THSD7A: variants seen among roughly 807,000 people sequenced by gnomAD.
THSD7A encodes thrombospondin type 1 domain containing 7A, also known as thrombospondin type-1 domain-containing protein 7A.
A neutral mutation model predicts 231.3 loss-of-function variants in THSD7A; 96 were observed. The observed-to-expected ratio is 0.41, with a 90% CI of 0.35 to 0.49. The LOEUF is 0.49. Among genes scored for constraint, THSD7A ranks in the 20% least tolerant of loss-of-function variants. The probability of loss-of-function intolerance (pLI) is 0.05; values close to 1 mark genes in which losing one functional copy is unlikely to be tolerated. For missense variants in THSD7A, 2,290 were observed against 2,070.2 expected, an observed-to-expected ratio of 1.11 and a Z score of -2.06; for synonymous variants, 940 against 743.3, an observed-to-expected ratio of 1.26 and a Z score of -4.30.
At chr7:11,702,541 T>C (rs1039752200) in intron 1 of THSD7A, among the ~76,000 whole-genome samples, 2 of 151,208 alleles carry the variant, frequency 1.3e-5, no homozygotes, top group Non-Finnish European at 3.0e-5. Flanking sequence ...AGAGCTCATA[T>C]GATGTTTCTG....
At chr7:11,626,164 T>C (rs924342254) in intron 2 of THSD7A, among the ~76,000 whole-genome samples, 3 of 152,154 alleles carry the variant, frequency 2.0e-5, no homozygotes. Context: ...CTCTTTTTAT[T>C]TAATTTTCCT....
At chr7:11,463,771 T>G (rs887639914) in intron 9 of THSD7A, among the ~76,000 whole-genome samples, 16 of 152,196 alleles carry the variant, frequency 1.1e-4, no homozygotes, top group African/African-American at 3.9e-4. Flanking sequence ...AACTTTTACA[T>G]GTTAAATATA....
chr7:11,747,524 A>G (rs1328133056), intron 1 of THSD7A, among the ~76,000 whole-genome samples: 1 of 151,952 alleles, frequency 6.6e-6, no homozygotes, highest in African/African-American at 2.4e-5. Context: ...CTAATGTTTT[A>G]TTCATTTATT....
intron 23 of THSD7A, among the ~76,000 whole-genome samples, chr7:11,398,925 A>C (rs1783294696): frequency 6.6e-6 from 1 of 152,224 alleles, no homozygotes; most frequent in Non-Finnish European, 1.5e-5. Flanking sequence ...CCACGTGGGT[A>C]AACAAGCTAA....
In THSD7A at chr7:11,388,162, CT is replaced by C. The variant is rs924375268; in HGVS notation, c.4412-5547del. ...ATCAGGGATATTGGCCTGAAATTTT[CT>C]TTTTTTTTTTGTTGTGTCTTGGTAT... On this transcript the variant is annotated intron_variant, in intron 23 of 27. Transcript: ENST00000423059. Among the ~76,000 whole-genome samples, 1,330 of 142,400 alleles carry C rather than the reference CT, an allele frequency of 9.3e-3. 18 individuals are homozygous for C. Among genetic ancestry groups the C allele is most frequent in the African/African-American group, 0.031 (1,237 of 39,324 alleles). The allele number at this position is 142,400 out of a possible 152,430, so 93.4% of individuals were successfully genotyped here.
intron 1 of THSD7A, among the ~76,000 whole-genome samples, chr7:11,778,155 T>G (rs1460818199): frequency 2.1e-4 from 1 of 4,868 alleles, no homozygotes; most frequent in African/African-American, 8.5e-4. Flanking sequence ...AGACTCCGTC[T>G]CAAAAAAAAA....
chr7:11,673,951 G>T (rs114624084), intron 1 of THSD7A, among the ~76,000 whole-genome samples: 1 of 152,014 alleles, frequency 6.6e-6, no homozygotes, highest in Non-Finnish European at 1.5e-5. Flanking sequence ...TACTGGTTGC[G>T]TACACGTGGC....
At position 11,537,607 on chromosome 7, in the gene THSD7A, C is replaced by G. The variant is rs73286900; in HGVS notation, c.1822+3812G>C. ...TGAGGCCTTACCAGAGGCTGAACAC[C>G]TAACAGTGCCATGCTTCCTGTACAG... On this transcript the variant is annotated intron_variant, in intron 6 of 27. Transcript: ENST00000423059. 4.5e-3 allele frequency among the ~76,000 whole-genome samples: 682 copies of G among 152,228 alleles called. 5 individuals are homozygous for G. Among genetic ancestry groups the G allele is most frequent in the African/African-American group, 0.016 (661 of 41,536 alleles).
chr7:11,545,251 A>G (rs982356134), intron 4 of THSD7A, among the ~76,000 whole-genome samples: 19 of 152,008 alleles, frequency 1.2e-4, no homozygotes, highest in African/African-American at 4.1e-4. Context: ...TTTTCCTTCA[A>G]TTGATGAAAA....
chr7:11,511,138 A>G (rs1023125741), intron 6 of THSD7A, among the ~76,000 whole-genome samples: 1 of 152,182 alleles, frequency 6.6e-6, no homozygotes, highest in African/African-American at 2.4e-5. Flanking sequence ...ATACGCCAAT[A>G]ACAGACAAGC....
intron 1 of THSD7A, among the ~76,000 whole-genome samples, chr7:11,693,188 T>C (rs1780287408): frequency 6.6e-6 from 1 of 151,718 alleles, no homozygotes; most frequent in Admixed American, 6.6e-5. Flanking sequence ...GCATTTTGAT[T>C]ATATAGATGT....
Position 11,831,797 on chromosome 7 carries a change from C to CG in THSD7A, c.149_150insC (p.Gln50HisfsTer24). The CG allele has an allele frequency of 6.8e-7, 1 of 1,472,366 alleles. No individual in the cohort carries two copies. Among genetic ancestry groups the CG allele is most frequent in the Admixed American group, 2.2e-5 (1 of 45,862 alleles). The allele number at this position is 1,472,366 out of a possible 1,614,324, so 91.2% of individuals were successfully genotyped here. Reference sequence around the variant, plus strand: ...AGAGGGTGGGCGCCTCCGCCTCGCCCTGCGCCGCAGCCCTGCCGGCGCCCG... The same window carrying CG: ...AGAGGGTGGGCGCCTCCGCCTCGCCCGTGCGCCGCAGCCCTGCCGGCGCCCG... On this transcript the variant is annotated frameshift_variant, in exon 1 of 28. Transcript: ENST00000423059. LOFTEE classifies it high-confidence loss of function. The surrounding 1 kb of genome is among the most constrained non-coding windows in gnomAD (Gnocchi z 5.0).
chr7:11,804,364 A>G (rs6978855), intron 1 of THSD7A, among the ~76,000 whole-genome samples: 3,415 of 152,246 alleles, frequency 0.022, 117 homozygotes, highest in African/African-American at 0.077. Context: ...TTTATTTCCT[A>G]TTTTCCAGAA....
At chr7:11,505,637 G>C (rs1342293033) in intron 6 of THSD7A, among the ~76,000 whole-genome samples, 1 of 152,134 alleles carries the variant, frequency 6.6e-6, no homozygotes, top group African/African-American at 2.4e-5. Context: ...AAAAGGCTTG[G>C]ATGGGTTCAG....
At position 11,694,495 on chromosome 7, in the gene THSD7A, G is replaced by T. The variant is rs374556047; in HGVS notation, c.191-57534C>A. Among the ~76,000 whole-genome samples, 47 of 151,654 alleles carry T rather than the reference G, an allele frequency of 3.1e-4. No individual in the cohort carries two copies. In the East Asian group the frequency reaches 8.2e-3, roughly 27 times the overall value. On this transcript the variant is annotated intron_variant, in intron 1 of 27. Transcript: ENST00000423059. ...GATGACCAAGATTATTCAGACACAG[G>T]TTAGAATACCAATGAAAGTGCTTAA... is the stretch of plus-strand genomic sequence containing the variant.
chr7:11,543,260 C>T, intron 4 of THSD7A, 143 bp from the exon 5 acceptor site: 1 of 632,082 alleles, frequency 1.6e-6, no homozygotes, highest in South Asian at 2.7e-5. Context: ...TCAGCCACAT[C>T]CTGAGAATAA....
intron 1 of THSD7A, among the ~76,000 whole-genome samples, chr7:11,749,298 C>T (rs1782420173): frequency 6.6e-6 from 1 of 151,922 alleles, no homozygotes; most frequent in Admixed American, 6.6e-5. Context: ...GCCCCAACCT[C>T]AAATGCCTTG....
At chr7:11,449,007 C>T (rs190981791) in intron 11 of THSD7A, among the ~76,000 whole-genome samples, 1 of 151,966 alleles carries the variant, frequency 6.6e-6, no homozygotes, top group Non-Finnish European at 1.5e-5. Flanking sequence ...GAATCTACCC[C>T]CTTGAGGGAG....
At chr7:11,619,571 A>G (rs2128352612) in intron 2 of THSD7A, among the ~76,000 whole-genome samples, 1 of 151,788 alleles carries the variant, frequency 6.6e-6, no homozygotes, top group Non-Finnish European at 1.5e-5. Context: ...CCTATGCCCA[A>G]CTAATTTTTT....
Sources: gnomAD v4.1 joint callset for allele counts (sites outside exome capture counted in the v4.1 genomes callset) on GRCh38, gnomAD v4.1.1 for gene constraint, Gnocchi (gnomAD v3.1) non-coding constraint, MANE v1.5 for transcripts, NCBI Gene and HGNC (gene_info 2026-07-23, HGNC 2026-07-21) for gene names.